Variants in ALDH1A2 observed in about 807,000 individuals in gnomAD.
ALDH1A2 encodes aldehyde dehydrogenase 1 family member A2.
ALDH1A2 carries 27 observed loss-of-function variants against 60.3 expected under a neutral mutation model. The observed-to-expected ratio is 0.45, with a 90% CI of 0.33 to 0.62. The LOEUF (loss-of-function observed/expected upper bound fraction) is 0.62, where lower values mean the gene tolerates loss of function less well. Among genes scored for constraint, ALDH1A2 ranks in the 20% least tolerant of loss-of-function variants. ALDH1A2 has a pLI of 0.02. For synonymous variants in ALDH1A2, 289 were observed against 232.4 expected (o/e 1.24, Z -2.21); for missense variants, 581 against 643.8 (o/e 0.90, Z 1.06).
chr15:58,027,427 AG>A (rs1896110461), intron 1 of ALDH1A2, among the ~76,000 whole-genome samples: 1 of 152,246 alleles, frequency 6.6e-6, no homozygotes, highest in Admixed American at 6.5e-5. Flanking sequence ...AAAACCACAA[AG>A]ATGGGGAGAA....
intron 1 of ALDH1A2, among the ~76,000 whole-genome samples, chr15:58,035,460 T>G (rs1362826951): frequency 6.8e-6 from 1 of 146,820 alleles, no homozygotes; most frequent in Non-Finnish European, 1.5e-5. Flanking sequence ...GCTATAATTT[T>G]TGTTATTTTT....
intron 1 of ALDH1A2, among the ~76,000 whole-genome samples, chr15:58,033,450 T>C (rs1195199359): frequency 6.6e-6 from 1 of 151,786 alleles, no homozygotes; most frequent in Non-Finnish European, 1.5e-5. Flanking sequence ...ACTGTATTTT[T>C]TTGTTTATTC....
chr15:57,962,248 A>T, intron 9 of ALDH1A2, 72 bp from the exon 10 acceptor site: 1 of 1,570,020 alleles, frequency 6.4e-7, no homozygotes, highest in Non-Finnish European at 8.7e-7. Flanking sequence ...GTTCTTGAGA[A>T]TCTTTCATTT....
At chr15:58,017,334 G>A (rs988284703) in intron 1 of ALDH1A2, among the ~76,000 whole-genome samples, 25 of 152,010 alleles carry the variant, frequency 1.6e-4, no homozygotes, top group African/African-American at 6.0e-4. Flanking sequence ...GCTGAAGGTA[G>A]GTATATATGT....
At chr15:57,994,966 T>G (rs186254060) in intron 5 of ALDH1A2, 112 bp downstream of exon 5, 16 of 1,058,054 alleles carry the variant, frequency 1.5e-5, no homozygotes, top group Non-Finnish European at 2.2e-5. Context: ...TGAGCTCAGT[T>G]TTTTTTCCTC....
intron 1 of ALDH1A2, among the ~76,000 whole-genome samples, chr15:58,059,932 A>AT (rs1363676732): frequency 6.6e-6 from 1 of 152,080 alleles, no homozygotes; most frequent in African/African-American, 2.4e-5. Flanking sequence ...TGATCATATA[A>AT]TTTTTTTGAG....
rs1895436428 is a variant in ALDH1A2, at chr15:58,005,936, G to A, written c.493+4713C>T. Reference sequence around the variant, plus strand: ...TTGTGGATTCCATATTTAAGGACTTGCCTACTACCTAAAATTTATTTGTAA... The same window carrying A: ...TTGTGGATTCCATATTTAAGGACTTACCTACTACCTAAAATTTATTTGTAA... On this transcript the variant is annotated intron_variant, in intron 4 of 12. Transcript: ENST00000249750. 2.0e-5 allele frequency among the ~76,000 whole-genome samples: 3 copies of A among 150,902 alleles called. No homozygotes were observed. In the Admixed American group the frequency reaches 2.0e-4, roughly 10 times the overall value.
intron 1 of ALDH1A2, among the ~76,000 whole-genome samples, chr15:58,061,794 T>C (rs1400577339): frequency 6.6e-6 from 1 of 152,074 alleles, no homozygotes; most frequent in Non-Finnish European, 1.5e-5. Flanking sequence ...AAACAAGATA[T>C]ATATGAAAGT....
intron 1 of ALDH1A2, among the ~76,000 whole-genome samples, chr15:58,049,136 G>A (rs1342980055): frequency 2.6e-5 from 4 of 152,068 alleles, no homozygotes; most frequent in African/African-American, 9.7e-5. Context: ...GTTGTTGAAT[G>A]TATCTTGTGG....
intron 4 of ALDH1A2, among the ~76,000 whole-genome samples, chr15:58,007,345 G>GT: frequency 6.6e-6 from 1 of 151,864 alleles, no homozygotes. Context: ...CTGCACTGGG[G>GT]TAAAGACTTC....
intron 7 of ALDH1A2, among the ~76,000 whole-genome samples, chr15:57,968,198 C>T (rs539455800): frequency 1.3e-5 from 2 of 152,326 alleles, no homozygotes; most frequent in East Asian, 3.9e-4. Flanking sequence ...AAGACAATTA[C>T]TGGAATTCAC....
intron 4 of ALDH1A2, 50 bp downstream of exon 4, chr15:58,010,599 T>C (rs1342827633): frequency 3.7e-6 from 6 of 1,607,676 alleles, no homozygotes; most frequent in Non-Finnish European, 5.1e-6. Flanking sequence ...CCAAAGCGCA[T>C]TTCTGGTGGT....
intron 1 of ALDH1A2, among the ~76,000 whole-genome samples, chr15:58,062,615 G>A (rs1897069539): frequency 6.6e-6 from 1 of 152,302 alleles, no homozygotes; most frequent in African/African-American, 2.4e-5. Context: ...AAGCAAAGGA[G>A]AGCGCATTCT....
At chr15:58,049,481 T>C (rs1440846084) in intron 1 of ALDH1A2, among the ~76,000 whole-genome samples, 1 of 152,138 alleles carries the variant, frequency 6.6e-6, no homozygotes, top group African/African-American at 2.4e-5. Context: ...TGATTCTGAA[T>C]ATAAGCAATC....
At chr15:57,987,479 G>A (rs1469027434) in intron 7 of ALDH1A2, among the ~76,000 whole-genome samples, 3 of 152,240 alleles carry the variant, frequency 2.0e-5, no homozygotes, top group East Asian at 3.9e-4. Context: ...ATCAGAAACA[G>A]TAAAGTCAGA....
chr15:58,026,749 C>G (rs1275578124), intron 1 of ALDH1A2, among the ~76,000 whole-genome samples: 1 of 152,304 alleles, frequency 6.6e-6, no homozygotes, highest in South Asian at 2.1e-4. Flanking sequence ...CCCATGCCCA[C>G]GGAGCCTTGC....
At position 57,963,921 on chromosome 15, in the gene ALDH1A2, C is replaced by A; in HGVS notation, c.1050G>T (p.Gly350=). 6.8e-6 allele frequency: 11 copies of A among 1,614,142 alleles called. No homozygotes were observed. The highest frequency in any genetic ancestry group is 9.3e-6 in the Non-Finnish European group (11 of 1,180,006). Residue 350 remains glycine, a synonymous_variant, in exon 9 of 13, where the codon GGG becomes GGT. Transcript: ENST00000249750. Reference sequence around the variant, plus strand: ...GCTCAGTGGTGGGGTCAAAGGGACTCCCCACTACGCGCCTCTTGGCCCGCT... The same window carrying A: ...GCTCAGTGGTGGGGTCAAAGGGACTACCCACTACGCGCCTCTTGGCCCGCT... ...SVERAKRRVV[G]SPFDPTTEQG...
At chr15:58,019,291 A>G (rs1895862283) in intron 1 of ALDH1A2, among the ~76,000 whole-genome samples, 1 of 151,800 alleles carries the variant, frequency 6.6e-6, no homozygotes, top group Admixed American at 6.6e-5. Flanking sequence ...GACTTTGTGG[A>G]AAATAAAATA....
chr15:58,061,595 C>CAAAAAAAA (rs879500544), intron 1 of ALDH1A2, among the ~76,000 whole-genome samples: 600 of 42,886 alleles, frequency 0.014, 44 homozygotes, highest in Non-Finnish European at 0.021. Flanking sequence ...CTCCTTCCCT[C>CAAAAAAAA]AAAAAAAAAA....
Sources: gnomAD v4.1 joint callset for allele counts (sites outside exome capture counted in the v4.1 genomes callset) on GRCh38, gnomAD v4.1.1 for gene constraint, MANE v1.5 for transcripts, NCBI Gene and HGNC (gene_info 2026-07-23, HGNC 2026-07-21) for gene names.